WWOX: variants seen among roughly 807,000 people sequenced by gnomAD.
WWOX encodes the protein WW domain containing oxidoreductase, also known as WW domain-containing oxidoreductase.
WWOX carries 69 observed loss-of-function variants against 46.2 expected under a neutral mutation model. The observed-to-expected ratio is 1.49, with a 90% CI of 1.23 to 1.82. The LOEUF is 1.82. WWOX is among the 40% of genes most tolerant of loss of function. The pLI, the probability that WWOX is intolerant of heterozygous loss-of-function variation, is 0.00. For missense variants in WWOX, 919 were observed against 542.6 expected, an observed-to-expected ratio of 1.69 and a Z score of -6.89; for synonymous variants, 359 against 202.6, an observed-to-expected ratio of 1.77 and a Z score of -6.56.
rs181752552 is a variant in WWOX at position 78,710,129 on chromosome 16, A to G, written c.1056+277377A>G. On this transcript the variant is annotated intron_variant, in intron 8 of 8. Coordinates refer to ENST00000566780, the MANE Select transcript of WWOX (RefSeq NM_016373.4). Reference sequence around the variant, plus strand: ...CTGGCAGTGACATACTCCTACAGGGATGTCTGCCTCATGTTGACCTGCTTG... The same window carrying G: ...CTGGCAGTGACATACTCCTACAGGGGTGTCTGCCTCATGTTGACCTGCTTG... 8.5e-5 allele frequency among the ~76,000 whole-genome samples: 13 copies of G among 152,076 alleles called. No individual in the cohort carries two copies. The East Asian group carries it at 2.5e-3, about 29-fold the overall frequency.
intron 8 of WWOX, among the ~76,000 whole-genome samples, chr16:79,113,156 G>A (rs1302176226): frequency 1.3e-5 from 2 of 152,166 alleles, no homozygotes; most frequent in South Asian, 4.1e-4. Context: ...GGTTTTGTGG[G>A]GAATATACAA....
At chr16:78,749,620 G>A (rs2142445175) in intron 8 of WWOX, among the ~76,000 whole-genome samples, 1 of 152,270 alleles carries the variant, frequency 6.6e-6, no homozygotes, top group African/African-American at 2.4e-5. Context: ...GGATAAGGAA[G>A]CATGAATTAG....
intron 5 of WWOX, among the ~76,000 whole-genome samples, chr16:78,205,846 G>GTCCTTCCT (rs538463131): frequency 9.6e-5 from 14 of 145,172 alleles, no homozygotes; most frequent in South Asian, 8.8e-4. Context: ...CCTTCCTTCC[G>GTCCTTCCT]TCCTTCCTTC....
intron 8 of WWOX, among the ~76,000 whole-genome samples, chr16:79,077,015 A>G (rs922205008): frequency 2.0e-5 from 3 of 152,152 alleles, no homozygotes; most frequent in Admixed American, 1.3e-4. Context: ...GACTGTTTTT[A>G]TAGGGAAAAA....
chr16:78,101,422 C>G (rs578001205), intron 1 of WWOX, among the ~76,000 whole-genome samples: 3 of 144,504 alleles, frequency 2.1e-5, no homozygotes, highest in African/African-American at 7.6e-5. Context: ...TCTCGGTTCA[C>G]TGCAACCTCT....
At chr16:78,590,756 C>T (rs1440513331) in intron 8 of WWOX, among the ~76,000 whole-genome samples, 1 of 152,106 alleles carries the variant, frequency 6.6e-6, no homozygotes, top group African/African-American at 2.4e-5. Flanking sequence ...GGGATCAGTG[C>T]CAGGTCTAAT....
At chr16:78,397,794 G>T (rs562475222) in intron 6 of WWOX, among the ~76,000 whole-genome samples, 4 of 152,222 alleles carry the variant, frequency 2.6e-5, no homozygotes, top group African/African-American at 9.6e-5. Context: ...CAAACTGCTG[G>T]GATTATAGGC....
At chr16:78,128,252 C>G (rs1227588843) in intron 4 of WWOX, among the ~76,000 whole-genome samples, 1 of 151,892 alleles carries the variant, frequency 6.6e-6, no homozygotes, top group Non-Finnish European at 1.5e-5. Flanking sequence ...TCAGGGTTTA[C>G]GAAGTGAACC....
At chr16:78,385,844 T>C (rs549022873) in intron 5 of WWOX, among the ~76,000 whole-genome samples, 105 of 152,306 alleles carry the variant, frequency 6.9e-4, no homozygotes, top group Non-Finnish European at 1.3e-3. Flanking sequence ...TTCTTGGGTT[T>C]TTTGTCCTTT....
intron 8 of WWOX, among the ~76,000 whole-genome samples, chr16:78,471,087 C>G (rs2084209478): frequency 6.6e-6 from 1 of 152,198 alleles, no homozygotes; most frequent in African/African-American, 2.4e-5. Flanking sequence ...TTTGATGCTT[C>G]CAGCCTTAGC....
At chr16:78,207,708 C>T (rs1371464494) in intron 5 of WWOX, among the ~76,000 whole-genome samples, 4 of 143,184 alleles carry the variant, frequency 2.8e-5, no homozygotes, top group Admixed American at 7.2e-5. Context: ...CTGCAGTGGG[C>T]TGTGATTGTG....
chr16:78,418,918 T>C (rs1329271032), intron 6 of WWOX, among the ~76,000 whole-genome samples: 1 of 152,098 alleles, frequency 6.6e-6, no homozygotes, highest in African/African-American at 2.4e-5. Flanking sequence ...CACTTTAATA[T>C]TCTACTAGAA....
At chr16:78,697,637 A>G (rs1382240903) in intron 8 of WWOX, among the ~76,000 whole-genome samples, 1 of 152,202 alleles carries the variant, frequency 6.6e-6, no homozygotes, top group Non-Finnish European at 1.5e-5. Flanking sequence ...AATGACCACC[A>G]TACGTGAAAA....
rs748029634 is a variant in WWOX at position 78,127,943 on chromosome 16, G to A, written c.409+12789G>A. Among the ~76,000 whole-genome samples the A allele has an allele frequency of 5.9e-5, 9 of 152,220 alleles. No individual in the cohort carries two copies. In the South Asian group the frequency reaches 1.2e-3, roughly 21 times the overall value. Reference sequence around the variant, plus strand: ...TAACCATCTGAGCCTTAATTTCCTCGTTTGTAAATTCAAGAGAATAATAAC... The same window carrying A: ...TAACCATCTGAGCCTTAATTTCCTCATTTGTAAATTCAAGAGAATAATAAC... On this transcript the variant is annotated intron_variant, in intron 4 of 8. Coordinates refer to ENST00000566780, the MANE Select transcript of WWOX (RefSeq NM_016373.4).
At chr16:78,803,598 C>T (rs1052101142) in intron 8 of WWOX, among the ~76,000 whole-genome samples, 2 of 152,084 alleles carry the variant, frequency 1.3e-5, no homozygotes, top group Admixed American at 6.5e-5. Flanking sequence ...CAGGCATATA[C>T]CACCATACCT....
chr16:78,612,412 C>T (rs2045923163), intron 8 of WWOX, among the ~76,000 whole-genome samples: 1 of 152,238 alleles, frequency 6.6e-6, no homozygotes, highest in African/African-American at 2.4e-5. Context: ...GCCTCAGAGT[C>T]AGGCATCTGG....
At chr16:78,743,040 G>A (rs750271795) in intron 8 of WWOX, among the ~76,000 whole-genome samples, 4 of 152,066 alleles carry the variant, frequency 2.6e-5, no homozygotes, top group African/African-American at 4.8e-5. Context: ...CGGGAGGTTA[G>A]GTGTCTGCCG....
chr16:78,333,528 G>C (rs538228970), intron 5 of WWOX, among the ~76,000 whole-genome samples: 47 of 152,054 alleles, frequency 3.1e-4, no homozygotes, highest in African/African-American at 1.1e-3. Context: ...TTTTTGCTTT[G>C]TCCGTCAATG....
rs182477640 is a variant in WWOX, at chr16:79,103,747, G to A, written c.1057-107861G>A. 4.0e-3 allele frequency among the ~76,000 whole-genome samples: 614 copies of A among 152,142 alleles called. 17 individuals are homozygous for A. Among genetic ancestry groups the A allele is most frequent in the Admixed American group, 0.033 (510 of 15,282 alleles). Reference sequence around the variant, plus strand: ...ATATGTTACTTAAACTATTAAGTCCGTTCAAGGCATTCAGTTTCTGAGTCC... The same window carrying A: ...ATATGTTACTTAAACTATTAAGTCCATTCAAGGCATTCAGTTTCTGAGTCC... On this transcript the variant is annotated intron_variant, in intron 8 of 8. Coordinates refer to ENST00000566780, the MANE Select transcript of WWOX (RefSeq NM_016373.4).
Sources: gnomAD v4.1 joint callset for allele counts (sites outside exome capture counted in the v4.1 genomes callset) on GRCh38, gnomAD v4.1.1 for gene constraint, MANE v1.5 for transcripts, NCBI Gene and HGNC (gene_info 2026-07-23, HGNC 2026-07-21) for gene names.